The following ABHD17C variants were observed in gnomAD, a reference collection of about 807,000 sequenced individuals.
The protein encoded by ABHD17C is alpha/beta hydrolase domain-containing protein 17C.
In ABHD17C, 11 loss-of-function variants were observed where a neutral mutation model predicts 27.9. That is an observed-to-expected ratio of 0.39 (90% confidence interval 0.25 to 0.65). ABHD17C has a LOEUF of 0.65. Among genes scored for constraint, ABHD17C ranks in the 30% least tolerant of loss-of-function variants. The pLI, the probability that ABHD17C is intolerant of heterozygous loss-of-function variation, is 0.45. For synonymous variants in ABHD17C, 233 were observed against 209.1 expected, an observed-to-expected ratio of 1.11 and a Z score of -0.98; for missense variants, 280 against 470.2, an observed-to-expected ratio of 0.60 and a Z score of 3.74.
intron 2 of ABHD17C, among the ~76,000 whole-genome samples, chr15:80,750,059 A>G (rs1448619090): frequency 1.3e-5 from 2 of 152,242 alleles, no homozygotes; most frequent in Non-Finnish European, 2.9e-5. Context: ...CTTGAGCTGT[A>G]TACAATATGT....
intron 1 of ABHD17C, among the ~76,000 whole-genome samples, chr15:80,709,164 A>G (rs146992440): frequency 6.6e-6 from 1 of 151,606 alleles, no homozygotes; most frequent in African/African-American, 2.4e-5. Context: ...ATATGTATAT[A>G]TTGTAAATAT....
intron 1 of ABHD17C, among the ~76,000 whole-genome samples, chr15:80,730,451 T>G (rs541703672): frequency 6.6e-6 from 1 of 152,232 alleles, no homozygotes; most frequent in Non-Finnish European, 1.5e-5. Flanking sequence ...TAGTCTGAAT[T>G]TTTTGCAATG....
At chr15:80,736,447 G>T (rs748605703) in intron 1 of ABHD17C, among the ~76,000 whole-genome samples, 3 of 152,220 alleles carry the variant, frequency 2.0e-5, no homozygotes. Flanking sequence ...CCGAGGGACT[G>T]TGTTTTCTGG....
intron 1 of ABHD17C, among the ~76,000 whole-genome samples, chr15:80,739,809 C>T (rs1479542564): frequency 2.0e-5 from 3 of 152,164 alleles, no homozygotes; most frequent in Non-Finnish European, 4.4e-5. Context: ...AATACAGCCC[C>T]TGTTGTTCTG....
chr15:80,753,025 C>T (rs1046984394), intron 2 of ABHD17C, among the ~76,000 whole-genome samples: 3 of 152,098 alleles, frequency 2.0e-5, no homozygotes, highest in African/African-American at 7.2e-5. Flanking sequence ...TAAAACAAGG[C>T]ACTTGCTTTT....
At chr15:80,752,685 C>G (rs545159911) in intron 2 of ABHD17C, among the ~76,000 whole-genome samples, 1 of 152,176 alleles carries the variant, frequency 6.6e-6, no homozygotes, top group African/African-American at 2.4e-5. Flanking sequence ...TTTGTAACTT[C>G]GACTAGGATC....
rs145437628 is a variant in ABHD17C, at chr15:80,698,095, T to C, written c.590+2076T>C. 5.0e-3 allele frequency among the ~76,000 whole-genome samples: 719 copies of C among 144,922 alleles called. 1 individual carries two copies. Among genetic ancestry groups the C allele is most frequent in the African/African-American group, 8.7e-3 (341 of 39,298 alleles). On this transcript the variant is annotated intron_variant, in intron 1 of 2. Coordinates refer to ENST00000258884, the MANE Select transcript of ABHD17C (RefSeq NM_021214.2). ...TTTTTTTTTTTTTGAGACGGAGTCT[T>C]GCTCTGTCGCCCAGGCTGGAGTGCA... is the stretch of plus-strand genomic sequence containing the variant.
chr15:80,715,360 A>G (rs1271430095), intron 1 of ABHD17C, among the ~76,000 whole-genome samples: 1 of 152,214 alleles, frequency 6.6e-6, no homozygotes, highest in African/African-American at 2.4e-5. Flanking sequence ...AGGTGGGCCT[A>G]GGTTAAGAGC....
At chr15:80,709,748 A>G (rs1403032416) in intron 1 of ABHD17C, among the ~76,000 whole-genome samples, 3 of 151,814 alleles carry the variant, frequency 2.0e-5, no homozygotes, top group African/African-American at 7.3e-5. Flanking sequence ...AGCAGCCCAC[A>G]CCTGTGGCCA....
At chr15:80,748,969 G>A (rs954255950) in intron 1 of ABHD17C, among the ~76,000 whole-genome samples, 9 of 152,104 alleles carry the variant, frequency 5.9e-5, no homozygotes, top group Admixed American at 5.9e-4. Flanking sequence ...CTGATGGATT[G>A]AAAGACTTGG....
chr15:80,704,603 G>A (rs540166801), intron 1 of ABHD17C: 14 of 151,688 alleles, frequency 9.2e-5, no homozygotes, highest in African/African-American at 3.1e-4. Context: ...CCACCTCCTT[G>A]GAGCCTGCAG....
At chr15:80,743,435 G>C (rs1416589414) in intron 1 of ABHD17C, among the ~76,000 whole-genome samples, 1 of 152,160 alleles carries the variant, frequency 6.6e-6, no homozygotes, top group East Asian at 1.9e-4. Flanking sequence ...CCCTGCTGCG[G>C]TTCCTGTCCT....
chr15:80,726,191 A>T (rs1376015384), intron 1 of ABHD17C, among the ~76,000 whole-genome samples: 1 of 152,224 alleles, frequency 6.6e-6, no homozygotes, highest in East Asian at 1.9e-4. Context: ...TGGCTTAAGA[A>T]TGCCTTCAAG....
chr15:80,695,969 G>A lies in ABHD17C; in HGVS notation c.540G>A (p.Glu180=). The change falls in exon 1 of 3, where the codon GAG becomes GAA. Residue 180 remains glutamate (E), a synonymous_variant. Transcript: ENST00000258884. This position sits in a 1 kb window ranked among gnomAD's most constrained non-coding sequence, Gnocchi z 4.3. ...GYGVSSGKPS[E]KNLYADIDAA... ...GCGTCAGCTCGGGCAAGCCCTCCGA[G>A]AAGAACCTCTACGCCGACATCGACG... 6.3e-7 allele frequency: 1 copy of A among 1,592,626 alleles called. No individual in the cohort carries two copies.
chr15:80,706,636 C>T (rs1156783409), intron 1 of ABHD17C, among the ~76,000 whole-genome samples: 1 of 152,162 alleles, frequency 6.6e-6, no homozygotes, highest in Non-Finnish European at 1.5e-5. Flanking sequence ...GCTAAAATCT[C>T]TGAGATTATG....
chr15:80,742,051 A>G (rs930770539), intron 1 of ABHD17C, among the ~76,000 whole-genome samples: 5 of 152,198 alleles, frequency 3.3e-5, no homozygotes, highest in Admixed American at 1.3e-4. Context: ...GGAATTTTCT[A>G]TGTAATATTT....
intron 1 of ABHD17C, among the ~76,000 whole-genome samples, chr15:80,729,333 A>G (rs1895025644): frequency 6.6e-6 from 1 of 152,220 alleles, no homozygotes; most frequent in African/African-American, 2.4e-5. Flanking sequence ...CCTTGTGCCC[A>G]AGAACTAGTG....
chr15:80,743,917 A>C (rs1057450703), intron 1 of ABHD17C, among the ~76,000 whole-genome samples: 1 of 152,216 alleles, frequency 6.6e-6, no homozygotes, highest in Non-Finnish European at 1.5e-5. Flanking sequence ...TGGCTGCTCC[A>C]AAAATACTGC....
chr15:80,733,667 T>A (rs1036681317), intron 1 of ABHD17C, among the ~76,000 whole-genome samples: 1 of 152,194 alleles, frequency 6.6e-6, no homozygotes, highest in Non-Finnish European at 1.5e-5. Context: ...AAATGTAGCA[T>A]TGCTGTCTCA....
Sources: gnomAD v4.1 joint callset for allele counts (sites outside exome capture counted in the v4.1 genomes callset) on GRCh38, gnomAD v4.1.1 for gene constraint, Gnocchi (gnomAD v3.1) non-coding constraint, MANE v1.5 for transcripts, NCBI Gene and HGNC (gene_info 2026-07-23, HGNC 2026-07-21) for gene names.